BMAL1: variants seen among roughly 807,000 people sequenced by gnomAD.
The protein encoded by BMAL1 is basic helix-loop-helix ARNT-like protein 1.
the BMAL1 span, among the ~76,000 whole-genome samples, chr11:13,292,556 A>AT: frequency 2.3e-4 from 5 of 21,560 alleles, no homozygotes; most frequent in African/African-American, 5.0e-4. Flanking sequence ...CAAAAAAAAA[A>AT]AAATAAAATA....
chr11:13,330,772 A>C, the BMAL1 span, among the ~76,000 whole-genome samples: 1 of 152,264 alleles, frequency 6.6e-6, no homozygotes. Flanking sequence ...CATTGCACTA[A>C]ATAGCCACTT....
At chr11:13,278,039 G>C in the BMAL1 span, 2 of 151,894 alleles carry the variant, frequency 1.3e-5, no homozygotes, top group African/African-American at 4.8e-5. Flanking sequence ...CCCGGCCGCC[G>C]AAGAACCCTG....
the BMAL1 span, among the ~76,000 whole-genome samples, chr11:13,290,062 AAT>A: frequency 6.6e-6 from 1 of 152,140 alleles, no homozygotes; most frequent in Admixed American, 6.5e-5. Flanking sequence ...CTGACTTTTT[AAT>A]GATCACCATT....
chr11:13,344,825 A>T, the BMAL1 span, among the ~76,000 whole-genome samples: 2 of 152,200 alleles, frequency 1.3e-5, no homozygotes, highest in Non-Finnish European at 2.9e-5. Context: ...CTCTACAGAC[A>T]TCAGGGCAGG....
chr11:13,332,585 T>C, the BMAL1 span, among the ~76,000 whole-genome samples: 1 of 152,260 alleles, frequency 6.6e-6, no homozygotes, highest in Admixed American at 6.5e-5. Context: ...AAATTATTTC[T>C]GTAGTTAATA....
At chr11:13,351,577 T>A in the BMAL1 span, among the ~76,000 whole-genome samples, 4 of 152,232 alleles carry the variant, frequency 2.6e-5, no homozygotes, top group Non-Finnish European at 5.9e-5. Flanking sequence ...GGAGAGTGTG[T>A]GTAGATACAG....
At chr11:13,357,685 T>C in the BMAL1 span, among the ~76,000 whole-genome samples, 1 of 152,220 alleles carries the variant, frequency 6.6e-6, no homozygotes, top group Non-Finnish European at 1.5e-5. The surrounding 1 kb of genome is among the most constrained non-coding windows in gnomAD (Gnocchi z 4.8). Context: ...GCCCTAAGGC[T>C]TCAAGCTCTT....
the BMAL1 span, among the ~76,000 whole-genome samples, chr11:13,327,478 T>C: frequency 2.0e-5 from 3 of 152,144 alleles, no homozygotes; most frequent in Admixed American, 2.0e-4. Context: ...CCAAACTTTC[T>C]AGCCCCTAAG....
the BMAL1 span, among the ~76,000 whole-genome samples, chr11:13,334,984 C>T: frequency 2.0e-5 from 3 of 152,314 alleles, no homozygotes. Flanking sequence ...GCACGCATTC[C>T]GGTCACTATT....
chr11:13,336,186 G>A, the BMAL1 span, among the ~76,000 whole-genome samples: 1 of 152,134 alleles, frequency 6.6e-6, no homozygotes, highest in Admixed American at 6.5e-5. Context: ...GTGTTTTGAT[G>A]TTTCCCCTGT....
the BMAL1 span, among the ~76,000 whole-genome samples, chr11:13,334,806 T>G: frequency 4.0e-4 from 61 of 152,330 alleles, no homozygotes; most frequent in African/African-American, 1.3e-3. Flanking sequence ...CTAGCCAGGC[T>G]CTTCCAGGAG....
chr11:13,317,809 TA>T, the BMAL1 span, among the ~76,000 whole-genome samples: 1 of 152,198 alleles, frequency 6.6e-6, no homozygotes, highest in Non-Finnish European at 1.5e-5. Context: ...CTTTCTGAAA[TA>T]AAAGTGAGCC....
At chr11:13,357,387 G>A in the BMAL1 span, among the ~76,000 whole-genome samples, 153 of 152,358 alleles carry the variant, frequency 1.0e-3, 3 homozygotes, top group South Asian at 0.016. The surrounding 1 kb of genome is among the most constrained non-coding windows in gnomAD (Gnocchi z 4.8). Flanking sequence ...AGCAGAGAAC[G>A]TCTTCCTGAC....
chr11:13,318,710 A>C, the BMAL1 span, among the ~76,000 whole-genome samples: 4 of 151,758 alleles, frequency 2.6e-5, no homozygotes, highest in Non-Finnish European at 5.9e-5. Flanking sequence ...TAGCTAGTGC[A>C]CTCTGAGCAC....
At chr11:13,309,080 T>C in the BMAL1 span, among the ~76,000 whole-genome samples, 1 of 152,202 alleles carries the variant, frequency 6.6e-6, no homozygotes, top group Non-Finnish European at 1.5e-5. Context: ...GCAAATTTTA[T>C]GTGACATGTA....
chr11:13,303,597 G>A, the BMAL1 span, among the ~76,000 whole-genome samples: 5 of 152,348 alleles, frequency 3.3e-5, no homozygotes, highest in African/African-American at 1.2e-4. Context: ...CTCCTGGTTA[G>A]CAGGCAGCCT....
chr11:13,364,372 C>T, the BMAL1 span, among the ~76,000 whole-genome samples: 5 of 152,218 alleles, frequency 3.3e-5, no homozygotes, highest in African/African-American at 4.8e-5. Context: ...AGCACAAGTA[C>T]ATGCACCATT....
chr11:13,289,232 A>G, the BMAL1 span, among the ~76,000 whole-genome samples: 1 of 152,320 alleles, frequency 6.6e-6, no homozygotes, highest in African/African-American at 2.4e-5. Context: ...CAGTTTTAAT[A>G]GTGAAGATGT....
the BMAL1 span, chr11:13,355,393 G>C: frequency 8.6e-7 from 1 of 1,167,454 alleles, no homozygotes; most frequent in Non-Finnish European, 1.3e-6. Context: ...TAACTCCCCA[G>C]CAGAAAGACT....
Sources: gnomAD v4.1 joint callset for allele counts (sites outside exome capture counted in the v4.1 genomes callset) on GRCh38, gnomAD v4.1.1 for gene constraint, Gnocchi (gnomAD v3.1) non-coding constraint, MANE v1.5 for transcripts, NCBI Gene and HGNC (gene_info 2026-07-23, HGNC 2026-07-21) for gene names.